TBC1D5: variants seen among roughly 807,000 people sequenced by gnomAD.
TBC1D5 encodes TBC1 domain family member 5.
TBC1D5 carries 75 observed loss-of-function variants against 100.3 expected under a neutral mutation model. That is an observed-to-expected ratio of 0.75 (90% CI 0.62 to 0.91). The LOEUF (loss-of-function observed/expected upper bound fraction) is 0.91, where lower values mean the gene tolerates loss of function less well. Ranked by LOEUF, TBC1D5 falls within the 40% of genes least tolerant of loss-of-function variation. TBC1D5 has a pLI of 0.00. For missense variants in TBC1D5, 910 were observed against 942.4 expected, an observed-to-expected ratio of 0.97 and a Z score of 0.45; for synonymous variants, 323 against 325.6, an observed-to-expected ratio of 0.99 and a Z score of 0.09.
chr3:17,368,506 G>C (rs1433338563), intron 13 of TBC1D5, among the ~76,000 whole-genome samples: 2 of 152,020 alleles, frequency 1.3e-5, no homozygotes, highest in Non-Finnish European at 2.9e-5. Context: ...ACTAAAAGTA[G>C]AAATTGGACT....
At chr3:17,730,859 C>A (rs544511382) in intron 1 of TBC1D5, among the ~76,000 whole-genome samples, 8 of 152,194 alleles carry the variant, frequency 5.3e-5, no homozygotes, top group Non-Finnish European at 1.0e-4. Flanking sequence ...CTGGCACTCA[C>A]AGAGCAGTCA....
intron 16 of TBC1D5, among the ~76,000 whole-genome samples, chr3:17,254,076 G>C (rs1290051018): frequency 6.6e-6 from 1 of 152,156 alleles, no homozygotes; most frequent in Non-Finnish European, 1.5e-5. Context: ...TCCATTATTT[G>C]AATGTACCAC....
At position 17,235,645 on chromosome 3, in the gene TBC1D5, T is replaced by C. The variant is rs145120410; in HGVS notation, c.1588+2518A>G. On this transcript the variant is annotated intron_variant, in intron 17 of 21. Transcript: ENST00000253692. Reference sequence around the variant, plus strand: ...AATACATATTCTACCAAAACAACCATAGATTTTTAGAGGTGGGAGACTCTC... The same window carrying C: ...AATACATATTCTACCAAAACAACCACAGATTTTTAGAGGTGGGAGACTCTC... 2.5e-3 allele frequency among the ~76,000 whole-genome samples: 386 copies of C among 152,232 alleles called. 1 individual carries two copies. Among genetic ancestry groups the C allele is most frequent in the Non-Finnish European group, 4.3e-3 (290 of 68,006 alleles).
chr3:17,283,969 G>A (rs1355896407), intron 15 of TBC1D5, among the ~76,000 whole-genome samples: 1 of 151,796 alleles, frequency 6.6e-6, no homozygotes, highest in African/African-American at 2.4e-5. Context: ...TCTTTGCCTG[G>A]CTGGTTCCTT....
chr3:17,272,262 AAT>A (rs2079508433), intron 15 of TBC1D5, among the ~76,000 whole-genome samples: 1 of 152,234 alleles, frequency 6.6e-6, no homozygotes, highest in Non-Finnish European at 1.5e-5. Context: ...TATAAAAAGC[AAT>A]AGACAATTTT....
chr3:17,551,905 G>T (rs1188523204), intron 2 of TBC1D5, among the ~76,000 whole-genome samples: 1 of 152,036 alleles, frequency 6.6e-6, no homozygotes, highest in Non-Finnish European at 1.5e-5. Flanking sequence ...CTTATAATAA[G>T]AAGAAATTCA....
rs570965106 is a variant in TBC1D5, at chr3:17,301,711, T to C, written c.1138+6281A>G. ...TCTTATAGGATTGCAAAGTGTGAAA[T>C]CAATGAGAGCTAGAATAATAGGAAA... On this transcript the variant is annotated intron_variant, in intron 14 of 21. Coordinates refer to ENST00000253692, the Ensembl canonical transcript of TBC1D5. Among the ~76,000 whole-genome samples, 5 of 152,204 alleles carry C rather than the reference T, an allele frequency of 3.3e-5. No homozygotes were observed. The South Asian group carries it at 8.3e-4, about 25-fold the overall frequency.
chr3:17,188,543 T>A (rs1438025014), intron 18 of TBC1D5, among the ~76,000 whole-genome samples: 1 of 152,196 alleles, frequency 6.6e-6, no homozygotes, highest in Non-Finnish European at 1.5e-5. Context: ...TGAAATCCAG[T>A]GTATTATCCT....
chr3:17,224,552 A>G (rs767233233), intron 17 of TBC1D5, among the ~76,000 whole-genome samples: 2 of 152,212 alleles, frequency 1.3e-5, no homozygotes, highest in African/African-American at 2.4e-5. Flanking sequence ...CAGTGGCTAC[A>G]TGTGGCTAGG....
At chr3:17,247,481 C>A (rs1248866818) in intron 16 of TBC1D5, among the ~76,000 whole-genome samples, 2 of 152,104 alleles carry the variant, frequency 1.3e-5, no homozygotes, top group Non-Finnish European at 2.9e-5. Context: ...TGCTAATGAT[C>A]ATCTGAGCCT....
chr3:17,599,614 C>T (rs2060799065), intron 2 of TBC1D5, among the ~76,000 whole-genome samples: 3 of 152,162 alleles, frequency 2.0e-5, no homozygotes, highest in African/African-American at 4.8e-5. Context: ...CCTGACTTTC[C>T]ATTGAGCTGG....
At chr3:17,314,067 T>C (rs979931049) in intron 13 of TBC1D5, among the ~76,000 whole-genome samples, 2 of 152,132 alleles carry the variant, frequency 1.3e-5, no homozygotes, top group Non-Finnish European at 2.9e-5. Flanking sequence ...CCAGGCCTGA[T>C]ATTTGAAGGT....
At chr3:17,586,099 AC>A (rs2096731121) in intron 2 of TBC1D5, among the ~76,000 whole-genome samples, 1 of 152,180 alleles carries the variant, frequency 6.6e-6, no homozygotes, top group Non-Finnish European at 1.5e-5. Flanking sequence ...GTGAAGAAAA[AC>A]AATGGACAAA....
chr3:17,359,391 G>A (rs545516398), intron 13 of TBC1D5, among the ~76,000 whole-genome samples: 1 of 152,112 alleles, frequency 6.6e-6, no homozygotes, highest in Non-Finnish European at 1.5e-5. Context: ...TGAGAAGACA[G>A]GATTCCATCT....
At chr3:17,572,225 T>A (rs2096631583) in intron 2 of TBC1D5, among the ~76,000 whole-genome samples, 1 of 151,522 alleles carries the variant, frequency 6.6e-6, no homozygotes, top group Admixed American at 6.6e-5. Flanking sequence ...AGCTTCTAAT[T>A]CCATATTGGC....
At chr3:17,570,928 T>C (rs1470770257) in intron 2 of TBC1D5, among the ~76,000 whole-genome samples, 1 of 152,028 alleles carries the variant, frequency 6.6e-6, no homozygotes, top group Non-Finnish European at 1.5e-5. Flanking sequence ...CTTAATCAGT[T>C]AAAGTTATGT....
chr3:17,205,798 T>C (rs1457369862), intron 18 of TBC1D5, among the ~76,000 whole-genome samples: 1 of 152,158 alleles, frequency 6.6e-6, no homozygotes, highest in Non-Finnish European at 1.5e-5. Context: ...TATAATTGGC[T>C]GTGTCAGCCC....
At chr3:17,724,299 T>G (rs1440696960) in intron 1 of TBC1D5, among the ~76,000 whole-genome samples, 1 of 152,120 alleles carries the variant, frequency 6.6e-6, no homozygotes, top group Non-Finnish European at 1.5e-5. Context: ...CTTACTATGC[T>G]GTCCAGGTTG....
At chr3:17,460,134 A>G (rs1175803598) in intron 3 of TBC1D5, among the ~76,000 whole-genome samples, 1 of 152,208 alleles carries the variant, frequency 6.6e-6, no homozygotes, top group Non-Finnish European at 1.5e-5. Flanking sequence ...ATTAAAGTAT[A>G]TATGCCAATT....
Sources: allele counts gnomAD v4.1 joint callset (sites outside exome capture counted in the v4.1 genomes callset), GRCh38; gene constraint gnomAD v4.1.1; transcripts MANE v1.5; gene names NCBI Gene and HGNC (gene_info 2026-07-23, HGNC 2026-07-21).